Variants in PEX3 observed in about 807,000 individuals in gnomAD.
PEX3 encodes peroxisomal biogenesis factor 3.
Under a neutral mutation model 55.8 loss-of-function variants are expected in PEX3, and 30 were observed. The observed-to-expected ratio is 0.54, with a 90% CI of 0.40 to 0.73. The LOEUF is 0.73. Ranked by LOEUF, PEX3 falls within the 30% of genes least tolerant of loss-of-function variation. The pLI, the probability that PEX3 is intolerant of heterozygous loss-of-function variation, is 0.00. For missense variants in PEX3, 351 were observed against 432.8 expected (o/e 0.81, Z 1.68); for synonymous variants, 135 against 148.4 (o/e 0.91, Z 0.66).
At position 143,462,158 on chromosome 6, in the gene PEX3, C is replaced by T. The variant is rs1584004961; in HGVS notation, c.206-758C>T. ...TAAAAATCACATGAAGTTTTTTTCC[C>T]ATAGATTGCTAGTCTCATTTCATCT... On this transcript the variant is annotated intron_variant, in intron 2 of 11. Transcript: ENST00000367591. This position sits in a 1 kb window ranked among gnomAD's most constrained non-coding sequence, Gnocchi z 4.1. Among the ~76,000 whole-genome samples the T allele has an allele frequency of 1.3e-5, 2 of 152,002 alleles. No homozygotes were observed. Among genetic ancestry groups the T allele is most frequent in the East Asian group, 3.8e-4 (2 of 5,196 alleles).
At chr6:143,478,992 TC>T in intron 9 of PEX3, 83 bp from the exon 10 acceptor site, 1 of 807,378 alleles carries the variant, frequency 1.2e-6, no homozygotes, top group Admixed American at 1.9e-5. Flanking sequence ...TTGGTGGCTT[TC>T]AAAGGTAACC....
rs1296773701 is a variant in PEX3 at position 143,483,098 on chromosome 6, G to A, written c.942-2054G>A. On this transcript the variant is annotated intron_variant, in intron 10 of 11. Coordinates refer to ENST00000367591, the MANE Select transcript of PEX3 (RefSeq NM_003630.3). This position sits in a 1 kb window ranked among gnomAD's most constrained non-coding sequence, Gnocchi z 4.3. ...GAACTTTTGCACATCAGTTAAGGAA[G>A]CAAACACCTAAGGAAAGAAAAATTT... Among the ~76,000 whole-genome samples, 1 of 152,038 alleles carries A rather than the reference G, an allele frequency of 6.6e-6. No homozygotes were observed. The highest frequency in any genetic ancestry group is 2.4e-5 in the African/African-American group (1 of 41,380).
At position 143,472,276 on chromosome 6, in the gene PEX3, C is replaced by T. The variant is rs757519416; in HGVS notation, c.695C>T (p.Pro232Leu). Residue 232 changes from proline (P) to leucine (L), a missense_variant, in exon 8 of 12, where the codon CCT becomes CTT. Physicochemically the swap from Pro to Leu is moderately conservative, Grantham distance 98 (BLOSUM62 -3). Coordinates refer to ENST00000367591, the MANE Select transcript of PEX3 (RefSeq NM_003630.3). ...TGGATTAATAAAGATGGATCCAAACCTTTATTATGCCATTATATGATGCCA... is the reference window on the plus strand; with the variant it reads ...TGGATTAATAAAGATGGATCCAAACTTTTATTATGCCATTATATGATGCCA... Reference protein sequence around the residue: ...SSWINKDGSKPLLCHYMMPDE... With the variant: ...SSWINKDGSKLLLCHYMMPDE... 2 of 1,608,158 alleles carry T rather than the reference C, an allele frequency of 1.2e-6. No homozygotes were observed. The highest frequency in any genetic ancestry group is 2.7e-5 in the African/African-American group (2 of 74,866).
In PEX3 at chr6:143,451,384, C is replaced by G. The variant is rs1048324290; in HGVS notation, c.73+269C>G. ...TCACGGACCTTTGGAGAACTCATCA[C>G]AGTTTAAGTTTCTGTTTCAAGGCAC... On this transcript the variant is annotated intron_variant, in intron 1 of 11. Transcript: ENST00000367591. This position sits in a 1 kb window ranked among gnomAD's most constrained non-coding sequence, Gnocchi z 4.1. 6.6e-6 allele frequency among the ~76,000 whole-genome samples: 1 copy of G among 152,112 alleles called. No homozygotes were observed. Among genetic ancestry groups the G allele is most frequent in the East Asian group, 1.9e-4 (1 of 5,196 alleles).
chr6:143,462,982 C>A lies in PEX3; in HGVS notation c.272C>A (p.Ala91Asp). 1.2e-6 allele frequency: 2 copies of A among 1,613,082 alleles called. No homozygotes were observed. The highest frequency in any genetic ancestry group is 4.5e-5 in the East Asian group (2 of 44,868). ...MQQLNSESLT[A>D]LLKNRPSNKL... ...CAACTGAATTCCGAGAGCCTCACAG[C>A]TCTGCTAAAAAACAGGTAAATGCAA... Residue 91 changes from alanine to aspartate, a missense_variant, in exon 3 of 12, where the codon GCT (alanine) becomes GAT (aspartate). Ala to Asp is a moderately radical substitution (Grantham distance 126). Coordinates refer to ENST00000367591, the MANE Select transcript of PEX3 (RefSeq NM_003630.3). This position sits in a 1 kb window ranked among gnomAD's most constrained non-coding sequence, Gnocchi z 4.1.
chr6:143,485,824 G>T lies in PEX3; in HGVS notation c.1038+576G>T, dbSNP rs1317841569. Among the ~76,000 whole-genome samples the T allele has an allele frequency of 6.6e-6, 1 of 152,092 alleles. No individual in the cohort carries two copies. The highest frequency in any genetic ancestry group is 1.5e-5 in the Non-Finnish European group (1 of 67,994). On this transcript the variant is annotated intron_variant, in intron 11 of 11. Coordinates refer to ENST00000367591, the MANE Select transcript of PEX3 (RefSeq NM_003630.3). The surrounding 1 kb of genome is among the most constrained non-coding windows in gnomAD (Gnocchi z 5.6). The stretch of plus-strand genomic sequence containing the variant: ...ATTGAGTAATTCAGTAATTCATTGA[G>T]TAAGACAAATATTATAAACAAAATA...
rs1377337920 is a variant in PEX3 at position 143,483,038 on chromosome 6, A to G, written c.942-2114A>G. ...GGAAATGTTTGCTCTCTTTATGTATATATATCATCCATGAGTGTAATGACA... is the reference window on the plus strand; with the variant it reads ...GGAAATGTTTGCTCTCTTTATGTATGTATATCATCCATGAGTGTAATGACA... On this transcript the variant is annotated intron_variant, in intron 10 of 11. Coordinates refer to ENST00000367591, the MANE Select transcript of PEX3 (RefSeq NM_003630.3). This position sits in a 1 kb window ranked among gnomAD's most constrained non-coding sequence, Gnocchi z 4.3. Among the ~76,000 whole-genome samples the G allele has an allele frequency of 6.6e-6, 1 of 152,142 alleles. No individual in the cohort carries two copies. Among genetic ancestry groups the G allele is most frequent in the African/African-American group, 2.4e-5 (1 of 41,450 alleles).
intron 4 of PEX3, among the ~76,000 whole-genome samples, chr6:143,469,561 A>T (rs1780042091): frequency 6.6e-6 from 1 of 152,266 alleles, no homozygotes; most frequent in African/African-American, 2.4e-5. Flanking sequence ...AGTTCTTTGT[A>T]GATTCTGGAT....
chr6:143,451,101 G>A lies in PEX3; in HGVS notation c.59G>A (p.Gly20Asp), dbSNP rs1163721533. ...CACAAAAAGAAATGCATCTTCCTGG[G>A]CACGGTCCTTGGAGGTGGGTGACAA... ...KRHKKKCIFL[G>D]TVLGGVYILG... Residue 20 changes from glycine (G) to aspartate (D), a missense_variant, in exon 1 of 12, where the codon GGC becomes GAC. Transcript: ENST00000367591. The surrounding 1 kb of genome is among the most constrained non-coding windows in gnomAD (Gnocchi z 4.1). 1.9e-6 allele frequency: 3 copies of A among 1,612,860 alleles called. No homozygotes were observed. Among genetic ancestry groups the A allele is most frequent in the Non-Finnish European group, 8.5e-7 (1 of 1,178,838 alleles).
At chr6:143,472,068 G>T in intron 7 of PEX3, 92 bp from the exon 8 acceptor site, 1 of 886,418 alleles carries the variant, frequency 1.1e-6, no homozygotes, top group East Asian at 2.5e-5. Context: ...AGAAGAAACA[G>T]GATTTTAGAT....
In PEX3 at chr6:143,450,853, T is replaced by C; in HGVS notation, c.-190T>C. ...CGGCAGCGGCAGAAAGCGTAGCTGC[T>C]TTGCTGTAGTCCACGCCCCCTTGCC... On this transcript the variant is annotated 5_prime_UTR_variant, in exon 1 of 12. Coordinates refer to ENST00000367591, the MANE Select transcript of PEX3 (RefSeq NM_003630.3). The C allele has an allele frequency of 1.3e-6, 1 of 758,780 alleles. No individual in the cohort carries two copies. The highest frequency in any genetic ancestry group is 1.5e-5 in the South Asian group (1 of 65,686). The allele number at this position is 758,780 out of a possible 1,614,324, so 47.0% of individuals were successfully genotyped here.
intron 10 of PEX3, 198 bp from the exon 11 acceptor site, chr6:143,484,954 T>A: frequency 1.8e-6 from 1 of 554,662 alleles, no homozygotes; most frequent in Non-Finnish European, 3.2e-6. Flanking sequence ...AAGATATGTG[T>A]AAAAAAACGC....
intron 1 of PEX3, among the ~76,000 whole-genome samples, chr6:143,455,359 A>ATTTTTTTT (rs56788350): frequency 1.9e-4 from 14 of 71,986 alleles, no homozygotes; most frequent in East Asian, 1.3e-3. Context: ...CGCCCGGCTA[A>ATTTTTTTT]TTTTTTTTTT....
intron 10 of PEX3, among the ~76,000 whole-genome samples, chr6:143,484,676 T>C (rs1780289759): frequency 6.6e-6 from 1 of 152,088 alleles, no homozygotes; most frequent in African/African-American, 2.4e-5. Context: ...ATGGAGCAGA[T>C]ACATTCATAC....
intron 4 of PEX3, among the ~76,000 whole-genome samples, chr6:143,468,625 G>A (rs1274801896): frequency 1.3e-5 from 2 of 151,994 alleles, no homozygotes; most frequent in Non-Finnish European, 2.9e-5. Flanking sequence ...TGATGCTTAA[G>A]CCTTGCCTAT....
rs369591908 is a variant in PEX3, at chr6:143,483,184, G to T, written c.942-1968G>T. ...ATTCACAAAAGAGCAGATGGAAATG[G>T]CCAGTTTGTTAATCTAAGATTTATT... is the stretch of plus-strand genomic sequence containing the variant. On this transcript the variant is annotated intron_variant, in intron 10 of 11. Transcript: ENST00000367591. This position sits in a 1 kb window ranked among gnomAD's most constrained non-coding sequence, Gnocchi z 4.3. 6.6e-6 allele frequency among the ~76,000 whole-genome samples: 1 copy of T among 152,036 alleles called. No homozygotes were observed. The highest frequency in any genetic ancestry group is 1.5e-5 in the Non-Finnish European group (1 of 67,998).
In PEX3 at chr6:143,488,903, G is replaced by T. The variant is rs1780352028; in HGVS notation, c.1039-240G>T. Among the ~76,000 whole-genome samples, 1 of 151,936 alleles carries T rather than the reference G, an allele frequency of 6.6e-6. No homozygotes were observed. Among genetic ancestry groups the T allele is most frequent in the Admixed American group, 6.6e-5 (1 of 15,230 alleles). ...CAAAATTCATTTGAAGACTATTTGG[G>T]GTTTTTGTCCCTCAAAGTCACACTT... is the stretch of plus-strand genomic sequence containing the variant. On this transcript the variant is annotated intron_variant, in intron 11 of 11. Transcript: ENST00000367591. This position sits in a 1 kb window ranked among gnomAD's most constrained non-coding sequence, Gnocchi z 4.9.
rs372188031 is a variant in PEX3 at position 143,474,846 on chromosome 6, A to G, written c.808A>G (p.Met270Val). The change falls in exon 9 of 12, where the codon ATG becomes GTG. Residue 270 changes from methionine (M) to valine (V), a missense_variant. Coordinates refer to ENST00000367591, the MANE Select transcript of PEX3 (RefSeq NM_003630.3). ...TIKLLNETRD[M>V]LESPDFSTVL... is the part of the protein sequence containing the mutation. Reference sequence around the variant, plus strand: ...TAAACTTCTCAATGAAACTAGAGACATGTTGGAAAGGTATGTATACTTCAT... The same window carrying G: ...TAAACTTCTCAATGAAACTAGAGACGTGTTGGAAAGGTATGTATACTTCAT... 3.2e-6 allele frequency: 5 copies of G among 1,564,240 alleles called. No individual in the cohort carries two copies. The African/African-American group carries it at 4.1e-5, about 13-fold the overall frequency.
intron 9 of PEX3, 89 bp downstream of exon 9, chr6:143,474,945 G>A (rs892042157): frequency 3.4e-5 from 24 of 703,846 alleles, no homozygotes; most frequent in Non-Finnish European, 6.0e-5. Context: ...CAACATGGTC[G>A]GTATAATATT....
Sources: gnomAD v4.1 joint callset for allele counts (sites outside exome capture counted in the v4.1 genomes callset) on GRCh38, gnomAD v4.1.1 for gene constraint, Gnocchi (gnomAD v3.1) non-coding constraint, MANE v1.5 for transcripts, NCBI Gene and HGNC (gene_info 2026-07-23, HGNC 2026-07-21) for gene names.